CATSPERB: variants seen among roughly 807,000 people sequenced by gnomAD.
CATSPERB encodes the protein cation channel sperm-associated auxiliary subunit beta.
CATSPERB carries 93 observed loss-of-function variants against 128.3 expected under a neutral mutation model. The ratio of observed to expected loss-of-function variants is 0.72; its 90% confidence interval spans 0.61 to 0.86. The LOEUF is 0.86. Among genes scored for constraint, CATSPERB ranks in the 40% least tolerant of loss-of-function variants. The pLI, the probability that CATSPERB is intolerant of heterozygous loss-of-function variation, is 0.00. For missense variants in CATSPERB, 1,153 were observed against 1,329.5 expected, an observed-to-expected ratio of 0.87 and a Z score of 2.06; for synonymous variants, 381 against 448.8, an observed-to-expected ratio of 0.85 and a Z score of 1.91.
chr14:91,711,011 A>G (rs112107335), intron 5 of CATSPERB, among the ~76,000 whole-genome samples: 1,574 of 152,248 alleles, frequency 0.01, 18 homozygotes, highest in Non-Finnish European at 0.017. Context: ...CACTGTGACC[A>G]AATATAATGC....
At chr14:91,611,366 T>C (rs1415961689) in intron 20 of CATSPERB, among the ~76,000 whole-genome samples, 2 of 152,092 alleles carry the variant, frequency 1.3e-5, no homozygotes, top group Non-Finnish European at 2.9e-5. Flanking sequence ...TCCCAGCACT[T>C]TGGGAGGCTG....
chr14:91,623,877 T>C (rs1894101654), intron 18 of CATSPERB, among the ~76,000 whole-genome samples: 1 of 152,220 alleles, frequency 6.6e-6, no homozygotes, highest in Non-Finnish European at 1.5e-5. Context: ...AAACATCCTA[T>C]AGAACATTGA....
chr14:91,658,695 G>A (rs970203112), intron 15 of CATSPERB, among the ~76,000 whole-genome samples: 4 of 33,860 alleles, frequency 1.2e-4, no homozygotes, highest in Non-Finnish European at 2.6e-4. Flanking sequence ...CAAAAATTAA[G>A]AATAAAATAT....
chr14:91,695,018 C>G (rs1027280260), intron 7 of CATSPERB, among the ~76,000 whole-genome samples: 21 of 152,068 alleles, frequency 1.4e-4, no homozygotes, highest in African/African-American at 4.8e-4. Flanking sequence ...TTAAGGAAAG[C>G]TGTAGAAGGA....
chr14:91,722,974 T>A lies in CATSPERB; in HGVS notation c.309+75A>T, dbSNP rs571487576. ...TAATATTACTCAGCTACCTATTTTT[T>A]AAAAAATACATCCTATAAGGAAGAG... On this transcript the variant is annotated intron_variant, in intron 4 of 26. Coordinates refer to ENST00000256343, the MANE Select transcript of CATSPERB (RefSeq NM_024764.4). 1.6e-4 allele frequency: 186 copies of A among 1,185,258 alleles called. 1 individual carries two copies. The highest frequency in any genetic ancestry group is 1.6e-4 in the Non-Finnish European group (147 of 905,830). 73.4% of individuals were successfully genotyped at this position (1,185,258 alleles called of 1,614,324 possible). A position where few individuals can be genotyped will look rare whatever the true frequency, so the allele number is the denominator to read the frequency against.
In CATSPERB at chr14:91,708,254, G is replaced by A; in HGVS notation, c.371-18C>T. 6.8e-7 allele frequency: 1 copy of A among 1,478,594 alleles called. No individual in the cohort carries two copies. Among genetic ancestry groups the A allele is most frequent in the Non-Finnish European group, 9.4e-7 (1 of 1,067,316 alleles). The allele number at this position is 1,478,594 out of a possible 1,614,324, so 91.6% of individuals were successfully genotyped here. On this transcript the variant is annotated intron_variant, in intron 5 of 26. Transcript: ENST00000256343. ...TGCAATATCTGTTTGAAAACAAAAG[G>A]CAAATAATCAACTATTTTTTCATAT...
At chr14:91,617,557 T>C (rs757072274) in intron 20 of CATSPERB, 40 bp downstream of exon 20, 1 of 1,524,876 alleles carries the variant, frequency 6.6e-7, no homozygotes, top group Non-Finnish European at 8.8e-7. Flanking sequence ...GAAAATTTTT[T>C]CATCAGTAAG....
chr14:91,700,133 C>T (rs1895622681), intron 7 of CATSPERB, among the ~76,000 whole-genome samples: 1 of 151,994 alleles, frequency 6.6e-6, no homozygotes, highest in Non-Finnish European at 1.5e-5. Flanking sequence ...CTCCCTATGC[C>T]CATAGGTTCT....
At chr14:91,610,867 C>G (rs915167294) in intron 20 of CATSPERB, among the ~76,000 whole-genome samples, 190 bp from the exon 21 acceptor site, 4 of 151,316 alleles carry the variant, frequency 2.6e-5, no homozygotes, top group African/African-American at 9.7e-5. Context: ...TCCAGTGTCA[C>G]TGGTGTCATC....
intron 26 of CATSPERB, among the ~76,000 whole-genome samples, chr14:91,582,466 G>A (rs566187302): frequency 3.3e-5 from 5 of 152,294 alleles, no homozygotes; most frequent in South Asian, 4.2e-4. Flanking sequence ...GTGGGTCGCC[G>A]GTGAAACCTG....
intron 19 of CATSPERB, 101 bp downstream of exon 19, chr14:91,621,507 G>A: frequency 2.1e-6 from 2 of 939,910 alleles, no homozygotes; most frequent in South Asian, 1.8e-5. Flanking sequence ...CAACAAGTAT[G>A]GGAACCAAGG....
chr14:91,610,684 A>C lies in CATSPERB; in HGVS notation c.2401-7T>G. 1 of 1,613,424 alleles carries C rather than the reference A, an allele frequency of 6.2e-7. No homozygotes were observed. The highest frequency in any genetic ancestry group is 8.5e-7 in the Non-Finnish European group (1 of 1,179,640). On this transcript the variant is annotated splice_polypyrimidine_tract_variant and splice_region_variant and intron_variant, in intron 20 of 26. Transcript: ENST00000256343. ...ATGCCAGTGAAGTTGAACCCTGGAAATAACCAAATAAATGAAGGTTATTTA... is the reference window on the plus strand; with the variant it reads ...ATGCCAGTGAAGTTGAACCCTGGAACTAACCAAATAAATGAAGGTTATTTA...
At chr14:91,599,876 A>G (rs1893580900) in intron 22 of CATSPERB, among the ~76,000 whole-genome samples, 1 of 152,166 alleles carries the variant, frequency 6.6e-6, no homozygotes. Flanking sequence ...AATCTATCTC[A>G]GTGAGCAAAG....
chr14:91,699,449 T>C (rs1360331735), intron 7 of CATSPERB, among the ~76,000 whole-genome samples: 1 of 152,054 alleles, frequency 6.6e-6, no homozygotes, highest in Non-Finnish European at 1.5e-5. Flanking sequence ...AAAATTCATA[T>C]GAAACCAAAA....
intron 4 of CATSPERB, among the ~76,000 whole-genome samples, chr14:91,720,469 A>G (rs1272673486): frequency 6.6e-6 from 1 of 151,724 alleles, no homozygotes; most frequent in Admixed American, 6.6e-5. Flanking sequence ...AATGATATTA[A>G]GAAAGCAATT....
chr14:91,657,421 A>T (rs1012283669), intron 15 of CATSPERB, among the ~76,000 whole-genome samples: 3 of 152,150 alleles, frequency 2.0e-5, no homozygotes, highest in African/African-American at 4.8e-5. Context: ...AACGACTAAA[A>T]GAAAACTTTG....
At chr14:91,630,415 T>C (rs1390570794) in intron 17 of CATSPERB, among the ~76,000 whole-genome samples, 1 of 152,210 alleles carries the variant, frequency 6.6e-6, no homozygotes, top group African/African-American at 2.4e-5. Context: ...TATGAATTCA[T>C]ACATCTAACT....
At chr14:91,682,889 T>C (rs960134792) in intron 11 of CATSPERB, among the ~76,000 whole-genome samples, 1 of 152,192 alleles carries the variant, frequency 6.6e-6, no homozygotes, top group Non-Finnish European at 1.5e-5. Context: ...TACAAAACTA[T>C]ATGGCTGTAG....
chr14:91,653,209 C>T (rs1309892646), intron 15 of CATSPERB, among the ~76,000 whole-genome samples: 2 of 152,062 alleles, frequency 1.3e-5, no homozygotes, highest in African/African-American at 2.4e-5. Flanking sequence ...ATAAAAAATG[C>T]TGTGTGTTAA....
Sources: allele counts gnomAD v4.1 joint callset (sites outside exome capture counted in the v4.1 genomes callset), GRCh38; gene constraint gnomAD v4.1.1; transcripts MANE v1.5; gene names NCBI Gene and HGNC (gene_info 2026-07-23, HGNC 2026-07-21).